PRIMPOL: variants seen among roughly 807,000 people sequenced by gnomAD.
PRIMPOL encodes the protein DNA-directed primase/polymerase protein.
A neutral mutation model predicts 63.6 loss-of-function variants in PRIMPOL; 54 were observed. That is an observed-to-expected ratio of 0.85 (90% confidence interval 0.68 to 1.07). The LOEUF is 1.07. Ranked by LOEUF, PRIMPOL falls within the 50% of genes least tolerant of loss-of-function variation. The pLI is 0.00. For synonymous variants in PRIMPOL, 197 were observed against 220.2 expected, an observed-to-expected ratio of 0.89 and a Z score of 0.93; for missense variants, 610 against 648.3, an observed-to-expected ratio of 0.94 and a Z score of 0.64.
intron 2 of PRIMPOL, among the ~76,000 whole-genome samples, chr4:184,654,564 C>G (rs534342165): frequency 6.6e-6 from 1 of 151,482 alleles, no homozygotes; most frequent in African/African-American, 2.4e-5. Context: ...CATTCTCCTG[C>G]CTCAGCCTCC....
At chr4:184,662,831 T>C (rs1366512734) in intron 5 of PRIMPOL, among the ~76,000 whole-genome samples, 1 of 151,874 alleles carries the variant, frequency 6.6e-6, no homozygotes, top group Non-Finnish European at 1.5e-5. Flanking sequence ...ATGTGAATGC[T>C]ATTTAAAAAA....
intron 6 of PRIMPOL, among the ~76,000 whole-genome samples, chr4:184,671,922 A>T (rs1214856518): frequency 6.6e-6 from 1 of 151,668 alleles, no homozygotes; most frequent in Admixed American, 6.6e-5. Context: ...TTGTATTTTT[A>T]GTAGAGACGG....
chr4:184,673,628 T>C (rs959939297), intron 7 of PRIMPOL, among the ~76,000 whole-genome samples: 1 of 151,724 alleles, frequency 6.6e-6, no homozygotes, highest in Non-Finnish European at 1.5e-5. Context: ...TTTCACCATG[T>C]TGGCCAGGCT....
At chr4:184,684,412 C>T (rs1037758947) in intron 9 of PRIMPOL, among the ~76,000 whole-genome samples, 6 of 151,282 alleles carry the variant, frequency 4.0e-5, no homozygotes, top group African/African-American at 2.4e-5. Context: ...GCCGAGATCG[C>T]GCCACTGCAC....
intron 4 of PRIMPOL, among the ~76,000 whole-genome samples, chr4:184,660,410 A>T (rs1441036250): frequency 6.7e-6 from 1 of 149,484 alleles, no homozygotes; most frequent in East Asian, 2.0e-4. Context: ...CGAGCTCCTG[A>T]CCTCAGATGA....
chr4:184,678,152 A>G, intron 7 of PRIMPOL, 80 bp from the exon 8 acceptor site: 2 of 842,442 alleles, frequency 2.4e-6, no homozygotes, highest in African/African-American at 3.5e-5. Context: ...TTAATGCTAT[A>G]TAAAAACTTA....
chr4:184,658,085 G>T (rs1343523569), intron 3 of PRIMPOL, among the ~76,000 whole-genome samples: 27 of 98,190 alleles, frequency 2.7e-4, no homozygotes, highest in African/African-American at 6.4e-4. Flanking sequence ...TTTTTTTTTT[G>T]GGGCACTGTG....
At chr4:184,682,442 AG>A in intron 9 of PRIMPOL, 106 bp downstream of exon 9, 2 of 598,652 alleles carry the variant, frequency 3.3e-6, no homozygotes, top group Non-Finnish European at 6.1e-6. Context: ...TCCTCCTCCC[AG>A]GCTCAAGCCA....
chr4:184,689,577 C>T (rs566631017), intron 11 of PRIMPOL, among the ~76,000 whole-genome samples: 10 of 151,056 alleles, frequency 6.6e-5, no homozygotes, highest in Admixed American at 2.0e-4. Flanking sequence ...CTCAGCCCCC[C>T]GAGTAGCTGG....
chr4:184,673,584 C>T (rs1752500196), intron 7 of PRIMPOL, among the ~76,000 whole-genome samples: 1 of 151,856 alleles, frequency 6.6e-6, no homozygotes. Flanking sequence ...GCCACCACGC[C>T]CAGCTAATTT....
rs73873013 is a variant in PRIMPOL at position 184,654,373 on chromosome 4, C to T, written c.-60+2273C>T. Reference sequence around the variant, plus strand: ...TAAGTATAGCAGATTTTTAGCTGCACGTGAAGCAGATCAAAGTAACTGAAT... The same window carrying T: ...TAAGTATAGCAGATTTTTAGCTGCATGTGAAGCAGATCAAAGTAACTGAAT... On this transcript the variant is annotated intron_variant, in intron 2 of 13. Transcript: ENST00000314970. Among the ~76,000 whole-genome samples, 1,257 of 150,914 alleles carry T rather than the reference C, an allele frequency of 8.3e-3. 19 individuals are homozygous for T. The highest frequency in any genetic ancestry group is 0.029 in the African/African-American group (1,191 of 41,080).
chr4:184,660,197 T>A (rs9997887), intron 4 of PRIMPOL, among the ~76,000 whole-genome samples: 6,488 of 151,580 alleles, frequency 0.043, 448 homozygotes, highest in African/African-American at 0.15. Context: ...ATTTAAAAAA[T>A]TTTTTTTGAG....
chr4:184,672,668 G>A (rs1329160848), intron 7 of PRIMPOL, among the ~76,000 whole-genome samples: 2 of 152,138 alleles, frequency 1.3e-5, no homozygotes, highest in Non-Finnish European at 2.9e-5. Flanking sequence ...CTGAGCTCCA[G>A]CAGAGGATGG....
chr4:184,667,571 A>C (rs1750411804), intron 6 of PRIMPOL, among the ~76,000 whole-genome samples: 1 of 152,084 alleles, frequency 6.6e-6, no homozygotes, highest in African/African-American at 2.4e-5. Context: ...TGGCCTCCCA[A>C]AGTGCTGGGA....
At chr4:184,656,311 GTGCCA>G (rs1746423798) in intron 2 of PRIMPOL, among the ~76,000 whole-genome samples, 1 of 152,084 alleles carries the variant, frequency 6.6e-6, no homozygotes, top group Non-Finnish European at 1.5e-5. Flanking sequence ...GTGAGTTTAG[GTGCCA>G]TCTCTTGATG....
intron 4 of PRIMPOL, among the ~76,000 whole-genome samples, chr4:184,660,517 A>G (rs1442723479): frequency 1.3e-5 from 2 of 152,188 alleles, no homozygotes; most frequent in African/African-American, 2.4e-5. Context: ...TAATGTGTGG[A>G]AAAGGAGAGT....
intron 11 of PRIMPOL, among the ~76,000 whole-genome samples, chr4:184,688,094 C>T (rs977206847): frequency 6.6e-6 from 1 of 152,196 alleles, no homozygotes; most frequent in African/African-American, 2.4e-5. Context: ...TCTGTTTTCC[C>T]ACAGTGGACA....
chr4:184,688,651 A>G (rs553604647), intron 11 of PRIMPOL, among the ~76,000 whole-genome samples: 1 of 152,224 alleles, frequency 6.6e-6, no homozygotes, highest in Admixed American at 6.5e-5. Context: ...GAGGTTGTGA[A>G]TCACCTGCAT....
At position 184,677,719 on chromosome 4, in the gene PRIMPOL, C is replaced by A. The variant is rs1754496702; in HGVS notation, c.845-513C>A. Among the ~76,000 whole-genome samples, 4 of 152,302 alleles carry A rather than the reference C, an allele frequency of 2.6e-5. No homozygotes were observed. In the South Asian group the frequency reaches 8.3e-4, roughly 32 times the overall value. ...TTTGGATTGCCTTGAATCTATAGAT[C>A]ACCTAGGGGAGAACTGACATTTTTA... On this transcript the variant is annotated intron_variant, in intron 7 of 13. Transcript: ENST00000314970.
Sources: gnomAD v4.1 joint callset for allele counts (sites outside exome capture counted in the v4.1 genomes callset) on GRCh38, gnomAD v4.1.1 for gene constraint, MANE v1.5 for transcripts, NCBI Gene and HGNC (gene_info 2026-07-23, HGNC 2026-07-21) for gene names.